The following CCDC85A variants were observed in gnomAD, a reference collection of about 807,000 sequenced individuals.
CCDC85A encodes coiled-coil domain containing 85A, also known as coiled-coil domain-containing protein 85A.
A neutral mutation model predicts 50.2 loss-of-function variants in CCDC85A; 38 were observed. The ratio of observed to expected loss-of-function variants is 0.76; its 90% CI spans 0.58 to 0.99. The LOEUF (loss-of-function observed/expected upper bound fraction) is 0.99. Among genes scored for constraint, CCDC85A ranks in the 50% least tolerant of loss-of-function variants. The pLI is 0.00. For missense variants in CCDC85A, 820 were observed against 742.0 expected, an observed-to-expected ratio of 1.11 and a Z score of -1.22; for synonymous variants, 366 against 301.4, an observed-to-expected ratio of 1.21 and a Z score of -2.22.
intron 2 of CCDC85A, among the ~76,000 whole-genome samples, chr2:56,210,287 T>C (rs1417653907): frequency 6.6e-6 from 1 of 152,112 alleles, no homozygotes; most frequent in Non-Finnish European, 1.5e-5. Flanking sequence ...GGAAAATTCA[T>C]ATACAAATCT....
At chr2:56,375,477 G>GT (rs1409144479) in intron 4 of CCDC85A, among the ~76,000 whole-genome samples, 30 of 152,292 alleles carry the variant, frequency 2.0e-4, no homozygotes, top group African/African-American at 7.0e-4. Context: ...GAGTGAGCAT[G>GT]TTTAACTCAG....
At chr2:56,337,381 A>AT (rs1432826040) in intron 2 of CCDC85A, among the ~76,000 whole-genome samples, 1 of 152,088 alleles carries the variant, frequency 6.6e-6, no homozygotes, top group Non-Finnish European at 1.5e-5. Context: ...GAGAAATAAA[A>AT]TAACTTTTGG....
intron 2 of CCDC85A, among the ~76,000 whole-genome samples, chr2:56,335,322 G>A (rs1674018610): frequency 6.6e-6 from 1 of 152,196 alleles, no homozygotes; most frequent in South Asian, 2.1e-4. Flanking sequence ...TGGAATGAGT[G>A]CAAGCCATGC....
chr2:56,224,612 A>G (rs779468282), intron 2 of CCDC85A, among the ~76,000 whole-genome samples: 7 of 152,078 alleles, frequency 4.6e-5, no homozygotes, highest in Non-Finnish European at 8.8e-5. Context: ...ATCCTTGCCA[A>G]TAGTTGCTAT....
intron 2 of CCDC85A, among the ~76,000 whole-genome samples, chr2:56,339,223 C>A (rs1674234080): frequency 6.6e-6 from 1 of 152,146 alleles, no homozygotes; most frequent in South Asian, 2.1e-4. Context: ...TTTGCCTTTG[C>A]CTTCACTGTA....
chr2:56,380,025 A>G (rs1558667854), intron 5 of CCDC85A, among the ~76,000 whole-genome samples: 2 of 152,174 alleles, frequency 1.3e-5, no homozygotes, highest in Non-Finnish European at 1.5e-5. Flanking sequence ...TATTAATACA[A>G]TCATGTTACA....
At chr2:56,253,019 AAAATAAAT>A (rs3032186) in intron 2 of CCDC85A, among the ~76,000 whole-genome samples, 11 of 150,242 alleles carry the variant, frequency 7.3e-5, no homozygotes, top group South Asian at 2.1e-4. Flanking sequence ...ACTCCATCTC[AAAATAAAT>A]AAATAAATAA....
intron 2 of CCDC85A, among the ~76,000 whole-genome samples, chr2:56,332,660 T>C (rs1673869658): frequency 7.0e-6 from 1 of 142,552 alleles, no homozygotes; most frequent in Non-Finnish European, 1.5e-5. Flanking sequence ...TATCTCTCTC[T>C]CCCCCTCTCT....
chr2:56,308,596 A>G (rs1289447846), intron 2 of CCDC85A, among the ~76,000 whole-genome samples: 1 of 152,204 alleles, frequency 6.6e-6, no homozygotes. Context: ...ATAGGACCTA[A>G]TAATACCTAC....
chr2:56,334,917 T>C (rs1673996710), intron 2 of CCDC85A, among the ~76,000 whole-genome samples: 1 of 152,074 alleles, frequency 6.6e-6, no homozygotes, highest in Non-Finnish European at 1.5e-5. Context: ...CTCTTTTGGG[T>C]AGGCAGAGAG....
At chr2:56,213,895 A>G (rs372536257) in intron 2 of CCDC85A, among the ~76,000 whole-genome samples, 1 of 151,936 alleles carries the variant, frequency 6.6e-6, no homozygotes, top group Non-Finnish European at 1.5e-5. Flanking sequence ...TTTTGATAGG[A>G]TAACCCTGTA....
chr2:56,184,914 A>G lies in CCDC85A; in HGVS notation c.276+14A>G. On this transcript the variant is annotated intron_variant, in intron 1 of 5. Coordinates refer to ENST00000407595, the MANE Select transcript of CCDC85A (RefSeq NM_001080433.2). ...CGCGGCCTCAAGGTGAGCGCGGGCCAGGTGGGGAGGCGCGGCGCGGCTGGG... is the reference window on the plus strand; with the variant it reads ...CGCGGCCTCAAGGTGAGCGCGGGCCGGGTGGGGAGGCGCGGCGCGGCTGGG... 1.4e-6 allele frequency: 2 copies of G among 1,469,802 alleles called. No homozygotes were observed. The highest frequency in any genetic ancestry group is 2.8e-5 in the East Asian group (1 of 35,592). 91.0% of individuals were successfully genotyped at this position (1,469,802 alleles called of 1,614,324 possible). A position where few individuals can be genotyped will look rare whatever the true frequency, so the allele number is the denominator to read the frequency against.
intron 2 of CCDC85A, among the ~76,000 whole-genome samples, chr2:56,225,921 A>T (rs892742883): frequency 3.0e-4 from 45 of 152,022 alleles, no homozygotes; most frequent in African/African-American, 1.1e-3. Context: ...TTTCCAGCTA[A>T]CTCTTCTCTT....
intron 4 of CCDC85A, among the ~76,000 whole-genome samples, 189 bp downstream of exon 4, chr2:56,372,667 T>TC (rs1676136026): frequency 1.3e-5 from 2 of 152,240 alleles, no homozygotes; most frequent in South Asian, 4.1e-4. Flanking sequence ...CTTGTTTTTT[T>TC]CCCCCACATC....
chr2:56,356,731 G>GAA (rs1553416778), intron 3 of CCDC85A, among the ~76,000 whole-genome samples: 2 of 104,336 alleles, frequency 1.9e-5, no homozygotes, highest in Non-Finnish European at 4.0e-5. Context: ...CCATCTCAAG[G>GAA]AAAAAAAAAA....
chr2:56,360,116 T>C (rs939147955), intron 3 of CCDC85A, among the ~76,000 whole-genome samples: 2 of 152,202 alleles, frequency 1.3e-5, no homozygotes, highest in African/African-American at 4.8e-5. Context: ...ATGCTATAAA[T>C]ACATGTATTT....
At chr2:56,362,794 A>AT (rs529449779) in intron 3 of CCDC85A, among the ~76,000 whole-genome samples, 15 of 149,520 alleles carry the variant, frequency 1.0e-4, no homozygotes, top group African/African-American at 2.2e-4. Flanking sequence ...AATTTTTTGT[A>AT]TTTTTTTTTA....
chr2:56,323,924 C>T (rs17047793), intron 2 of CCDC85A, among the ~76,000 whole-genome samples: 4 of 151,904 alleles, frequency 2.6e-5, no homozygotes, highest in East Asian at 1.9e-4. Flanking sequence ...ATTTAGGGTA[C>T]GAAGTTTCAT....
At chr2:56,213,919 T>A (rs1677286914) in intron 2 of CCDC85A, among the ~76,000 whole-genome samples, 1 of 151,806 alleles carries the variant, frequency 6.6e-6, no homozygotes, top group African/African-American at 2.4e-5. Flanking sequence ...TGAATTGTAA[T>A]TTGGGGAAGG....
Sources: gnomAD v4.1 joint callset for allele counts (sites outside exome capture counted in the v4.1 genomes callset) on GRCh38, gnomAD v4.1.1 for gene constraint, MANE v1.5 for transcripts, NCBI Gene and HGNC (gene_info 2026-07-23, HGNC 2026-07-21) for gene names.